EDIL3: variants seen among roughly 807,000 people sequenced by gnomAD.
The protein encoded by EDIL3 is EGF-like repeat and discoidin I-like domain-containing protein 3.
Under a neutral mutation model 67.4 loss-of-function variants are expected in EDIL3, and 37 were observed. The observed-to-expected ratio is 0.55, with a 90% CI of 0.42 to 0.72. The LOEUF (loss-of-function observed/expected upper bound fraction) is 0.72, where lower values mean the gene tolerates loss of function less well. Ranked by LOEUF, EDIL3 falls within the 30% of genes least tolerant of loss-of-function variation. The pLI is 0.00. For synonymous variants in EDIL3, 195 were observed against 196.3 expected (o/e 0.99, Z 0.05); for missense variants, 527 against 586.3 (o/e 0.90, Z 1.04).
In EDIL3 at chr5:83,963,400, C is replaced by A. The variant is rs747717468; in HGVS notation, c.1138-40G>T. On this transcript the variant is annotated intron_variant, in intron 9 of 10. Transcript: ENST00000296591. Reference sequence around the variant, plus strand: ...AAATACAGGCTTTAAATGCGACAACCAAGTTGTAAACTTCCAAGTCTTTTG... The same window carrying A: ...AAATACAGGCTTTAAATGCGACAACAAAGTTGTAAACTTCCAAGTCTTTTG... 3 of 1,547,868 alleles carry A rather than the reference C, an allele frequency of 1.9e-6. No individual in the cohort carries two copies. The Admixed American group carries it at 6.2e-5, about 32-fold the overall frequency.
chr5:84,354,529 T>C (rs943195940), intron 1 of EDIL3, among the ~76,000 whole-genome samples: 2 of 151,806 alleles, frequency 1.3e-5, no homozygotes, highest in Admixed American at 6.6e-5. Context: ...TGGTGGTGCA[T>C]GCCTGTAATA....
chr5:84,095,541 T>C (rs1747246492), intron 6 of EDIL3, among the ~76,000 whole-genome samples: 1 of 152,228 alleles, frequency 6.6e-6, no homozygotes, highest in African/African-American at 2.4e-5. Flanking sequence ...GGCAGCATTT[T>C]GCTCCTGCTC....
At chr5:83,974,060 G>A (rs1744837017) in intron 9 of EDIL3, among the ~76,000 whole-genome samples, 1 of 151,878 alleles carries the variant, frequency 6.6e-6, no homozygotes, top group East Asian at 1.9e-4. Context: ...CTTACAATTT[G>A]TAAATCGTCC....
chr5:84,175,257 C>T (rs1379872060), intron 4 of EDIL3, among the ~76,000 whole-genome samples: 2 of 151,454 alleles, frequency 1.3e-5, no homozygotes, highest in African/African-American at 4.9e-5. Context: ...TAAAGAGTAA[C>T]TTAAAGTAAG....
chr5:84,055,370 G>A (rs1237458853), intron 9 of EDIL3, among the ~76,000 whole-genome samples: 1 of 146,306 alleles, frequency 6.8e-6, no homozygotes, highest in African/African-American at 2.7e-5. Context: ...AGAAAACCTA[G>A]GCTATACCAT....
At chr5:84,167,027 T>G (rs1157526267) in intron 4 of EDIL3, among the ~76,000 whole-genome samples, 1 of 152,128 alleles carries the variant, frequency 6.6e-6, no homozygotes, top group East Asian at 1.9e-4. Flanking sequence ...GACTTTAGAT[T>G]CTGCTTGAAG....
chr5:84,033,908 A>G (rs1745972717), intron 9 of EDIL3, among the ~76,000 whole-genome samples: 2 of 152,070 alleles, frequency 1.3e-5, no homozygotes, highest in Non-Finnish European at 2.9e-5. Context: ...CAGTTAGACA[A>G]CAAAGATAGG....
intron 9 of EDIL3, among the ~76,000 whole-genome samples, chr5:83,974,356 A>G (rs1192060749): frequency 6.6e-6 from 1 of 151,806 alleles, no homozygotes; most frequent in Non-Finnish European, 1.5e-5. Flanking sequence ...AGGTCAGCAG[A>G]GAGTTTGGAA....
intron 1 of EDIL3, among the ~76,000 whole-genome samples, chr5:84,262,658 G>C (rs199796171): frequency 2.8e-5 from 1 of 35,480 alleles, no homozygotes; most frequent in Non-Finnish European, 6.0e-5. Flanking sequence ...AAGGTTGGTT[G>C]GTTTTTTTTT....
intron 3 of EDIL3, among the ~76,000 whole-genome samples, chr5:84,206,099 T>A (rs1284072473): frequency 2.6e-5 from 4 of 151,106 alleles, no homozygotes; most frequent in East Asian, 2.0e-4. Context: ...TCCCAGAGAT[T>A]CTGGTATGTT....
chr5:84,149,872 A>G (rs1253688855), intron 4 of EDIL3, among the ~76,000 whole-genome samples: 1 of 152,140 alleles, frequency 6.6e-6, no homozygotes, highest in African/African-American at 2.4e-5. Flanking sequence ...ATAAAAAAAA[A>G]TTTTAGACGT....
chr5:84,041,358 T>A (rs1263015143), intron 9 of EDIL3, among the ~76,000 whole-genome samples: 1 of 151,778 alleles, frequency 6.6e-6, no homozygotes, highest in Non-Finnish European at 1.5e-5. Context: ...TGCCACCAGC[T>A]GATTCTGATG....
intron 9 of EDIL3, among the ~76,000 whole-genome samples, chr5:84,023,801 G>C (rs961316462): frequency 6.6e-5 from 10 of 151,412 alleles, no homozygotes; most frequent in Admixed American, 6.6e-4. Flanking sequence ...ACTGACATGG[G>C]GTAAAATGAC....
chr5:84,042,850 T>C (rs1746157567), intron 9 of EDIL3, among the ~76,000 whole-genome samples: 1 of 152,232 alleles, frequency 6.6e-6, no homozygotes. Context: ...TTATGTTTGG[T>C]GTCCCATTTT....
chr5:84,257,515 G>A (rs1745142734), intron 1 of EDIL3, among the ~76,000 whole-genome samples: 1 of 152,154 alleles, frequency 6.6e-6, no homozygotes, highest in Admixed American at 6.5e-5. Flanking sequence ...ACATGTACAA[G>A]GTAGAATCAA....
intron 5 of EDIL3, among the ~76,000 whole-genome samples, chr5:84,117,726 T>A (rs1007008369): frequency 1.1e-4 from 16 of 152,084 alleles, no homozygotes; most frequent in Non-Finnish European, 1.9e-4. Flanking sequence ...AATACTTTTT[T>A]TTTCATTTTG....
intron 10 of EDIL3, among the ~76,000 whole-genome samples, chr5:83,962,376 T>C (rs931472172): frequency 2.0e-5 from 3 of 151,468 alleles, no homozygotes; most frequent in Admixed American, 1.3e-4. Flanking sequence ...AGCAACGAAT[T>C]AACTTGATTT....
intron 4 of EDIL3, among the ~76,000 whole-genome samples, chr5:84,173,478 C>T (rs1038547228): frequency 2.0e-5 from 3 of 152,040 alleles, no homozygotes; most frequent in African/African-American, 7.3e-5. Flanking sequence ...GCACGACTGC[C>T]CCCCTCTCCC....
At chr5:84,291,687 T>G (rs1217712392) in intron 1 of EDIL3, among the ~76,000 whole-genome samples, 2 of 147,212 alleles carry the variant, frequency 1.4e-5, no homozygotes, top group Non-Finnish European at 3.0e-5. Flanking sequence ...TATATAGATA[T>G]ATCTATATAT....
Sources: gnomAD v4.1 joint callset for allele counts (sites outside exome capture counted in the v4.1 genomes callset) on GRCh38, gnomAD v4.1.1 for gene constraint, MANE v1.5 for transcripts, NCBI Gene and HGNC (gene_info 2026-07-23, HGNC 2026-07-21) for gene names.